The following CATSPERB variants were observed in gnomAD, a reference collection of about 807,000 sequenced individuals.
CATSPERB encodes catsper channel auxiliary subunit beta.
CATSPERB carries 93 observed loss-of-function variants against 128.3 expected under a neutral mutation model. The ratio of observed to expected loss-of-function variants is 0.72; its 90% CI spans 0.61 to 0.86. The LOEUF is 0.86. Among genes scored for constraint, CATSPERB ranks in the 40% least tolerant of loss-of-function variants. CATSPERB has a pLI of 0.00. For synonymous variants in CATSPERB, 381 were observed against 448.8 expected, an observed-to-expected ratio of 0.85 and a Z score of 1.91; for missense variants, 1,153 against 1,329.5, an observed-to-expected ratio of 0.87 and a Z score of 2.06.
At chr14:91,714,181 G>A (rs1895891146) in intron 5 of CATSPERB, among the ~76,000 whole-genome samples, 1 of 148,574 alleles carries the variant, frequency 6.7e-6, no homozygotes. Context: ...AAACATGAAT[G>A]TTTTTTCCCT....
intron 11 of CATSPERB, among the ~76,000 whole-genome samples, chr14:91,682,441 G>C (rs78435793): frequency 0.015 from 2,249 of 152,228 alleles, 59 homozygotes; most frequent in African/African-American, 0.05. Flanking sequence ...AACATGGGAT[G>C]GTTACCTCCC....
intron 18 of CATSPERB, among the ~76,000 whole-genome samples, chr14:91,622,853 A>G (rs1595151315): frequency 1.3e-5 from 2 of 150,058 alleles, no homozygotes; most frequent in East Asian, 2.0e-4. Context: ...TTTTGTCTAC[A>G]TGACTCCAGC....
In CATSPERB at chr14:91,693,828, G is replaced by T. The variant is rs187734349; in HGVS notation, c.617-349C>A. On this transcript the variant is annotated intron_variant, in intron 7 of 26. Transcript: ENST00000256343. ...ACTTTAGTTTAAGGATTTTTTTTTT[G>T]ACCTGAAGGCAATTGAGAATCAATA... Among the ~76,000 whole-genome samples, 676 of 150,328 alleles carry T rather than the reference G, an allele frequency of 4.5e-3. 5 individuals carry two copies. Among genetic ancestry groups the T allele is most frequent in the African/African-American group, 0.015 (633 of 41,014 alleles).
At chr14:91,604,003 CCTCT>C (rs1566699919) in intron 22 of CATSPERB, among the ~76,000 whole-genome samples, 4 of 151,132 alleles carry the variant, frequency 2.6e-5, no homozygotes, top group African/African-American at 7.3e-5. Flanking sequence ...TCCCTCCCTC[CCTCT>C]CTGTCTGTCT....
intron 15 of CATSPERB, among the ~76,000 whole-genome samples, chr14:91,654,457 C>T (rs943807262): frequency 1.4e-4 from 21 of 152,144 alleles, no homozygotes; most frequent in African/African-American, 4.8e-4. Flanking sequence ...TGAATAGTGG[C>T]GGTAGCCAGG....
chr14:91,595,307 T>C (rs957962303), intron 22 of CATSPERB, among the ~76,000 whole-genome samples: 2 of 151,410 alleles, frequency 1.3e-5, no homozygotes, highest in African/African-American at 4.8e-5. Flanking sequence ...TATTTATTTA[T>C]TTATTTATTT....
intron 16 of CATSPERB, among the ~76,000 whole-genome samples, chr14:91,637,674 G>A (rs1181544719): frequency 3.9e-5 from 6 of 152,260 alleles, no homozygotes; most frequent in African/African-American, 1.4e-4. Context: ...CTCCAATACT[G>A]TAATAAGAGC....
At chr14:91,637,795 G>GTT (rs5810548) in intron 16 of CATSPERB, among the ~76,000 whole-genome samples, 11 of 151,462 alleles carry the variant, frequency 7.3e-5, no homozygotes, top group South Asian at 2.1e-4. Context: ...TACCTGTAGG[G>GTT]TTTTTTTTTC....
chr14:91,653,923 T>C (rs1207973639), intron 15 of CATSPERB, among the ~76,000 whole-genome samples: 1 of 152,244 alleles, frequency 6.6e-6, no homozygotes, highest in Non-Finnish European at 1.5e-5. Flanking sequence ...GTCCAAGTCC[T>C]ATCTAAATGA....
intron 16 of CATSPERB, among the ~76,000 whole-genome samples, chr14:91,638,405 T>TA (rs1566714179): frequency 6.6e-6 from 1 of 151,628 alleles, no homozygotes; most frequent in East Asian, 1.9e-4. Flanking sequence ...TGTTCCTTTT[T>TA]TTTTTTTTTG....
At chr14:91,717,791 T>C (rs894614138) in intron 5 of CATSPERB, among the ~76,000 whole-genome samples, 2 of 152,198 alleles carry the variant, frequency 1.3e-5, no homozygotes, top group East Asian at 3.8e-4. Context: ...AAATAAAGTA[T>C]GATTAAGGAG....
chr14:91,598,762 G>A (rs1893555264), intron 22 of CATSPERB, among the ~76,000 whole-genome samples: 1 of 150,046 alleles, frequency 6.7e-6, no homozygotes, highest in African/African-American at 2.5e-5. Context: ...GGAGGCTGAG[G>A]CAGGGGAATG....
At chr14:91,670,031 T>C in intron 13 of CATSPERB, 59 bp from the exon 14 acceptor site, 4 of 1,423,258 alleles carry the variant, frequency 2.8e-6, no homozygotes, top group Non-Finnish European at 3.9e-6. Context: ...ATTTTAGAAT[T>C]TCCTGTTACT....
At chr14:91,609,765 T>C (rs1377470316) in intron 21 of CATSPERB, among the ~76,000 whole-genome samples, 1 of 152,196 alleles carries the variant, frequency 6.6e-6, no homozygotes. Flanking sequence ...AGAGTCATGC[T>C]CTGTGCTCTG....
chr14:91,719,438 T>A lies in CATSPERB; in HGVS notation c.350A>T (p.Glu117Val), dbSNP rs577055121. The change falls in exon 5 of 27, where the codon GAA becomes GTA. Residue 117 changes from glutamate to valine, a missense_variant. Physicochemically the swap from Glu to Val is moderately radical, Grantham distance 121. Coordinates refer to ENST00000256343, the MANE Select transcript of CATSPERB (RefSeq NM_024764.4). ...CTTACCTGTGCTTTGTGTGATGTTT[T>A]CTCTAGGAATATCAACCAACCACAA... ...RILWLVDIPR[E>V]NITQSTDIAA... 1.2e-6 allele frequency: 2 copies of A among 1,611,796 alleles called. No individual in the cohort carries two copies. Among genetic ancestry groups the A allele is most frequent in the South Asian group, 2.2e-5 (2 of 90,614 alleles).
chr14:91,696,407 G>A (rs958759148), intron 7 of CATSPERB, among the ~76,000 whole-genome samples: 2 of 152,224 alleles, frequency 1.3e-5, no homozygotes, highest in African/African-American at 4.8e-5. Flanking sequence ...TGCTGGAAAG[G>A]AAAGTAGAAT....
At chr14:91,599,617 A>G (rs1893575750) in intron 22 of CATSPERB, among the ~76,000 whole-genome samples, 1 of 151,852 alleles carries the variant, frequency 6.6e-6, no homozygotes, top group Non-Finnish European at 1.5e-5. Flanking sequence ...CAGCCGCAGG[A>G]AGTCCTGACA....
rs533646876 is a variant in CATSPERB, at chr14:91,632,240, T to C, written c.1742+4185A>G. On this transcript the variant is annotated intron_variant, in intron 17 of 26. Transcript: ENST00000256343. ...TACAAAGCAGGTGAAAGTTAAAGGA[T>C]TGAAATAGTATACCACGAAAATATT... Among the ~76,000 whole-genome samples the C allele has an allele frequency of 3.3e-5, 5 of 152,238 alleles. No homozygotes were observed. In the South Asian group the frequency reaches 6.2e-4, roughly 19 times the overall value.
intron 22 of CATSPERB, chr14:91,603,112 A>C (rs1475706467): frequency 1.3e-6 from 1 of 787,180 alleles, no homozygotes; most frequent in Non-Finnish European, 2.4e-6. Flanking sequence ...TCTCTCTTGG[A>C]AGTCTTCTCC....
Sources: allele counts gnomAD v4.1 joint callset (sites outside exome capture counted in the v4.1 genomes callset), GRCh38; gene constraint gnomAD v4.1.1; transcripts MANE v1.5; gene names NCBI Gene and HGNC (gene_info 2026-07-23, HGNC 2026-07-21).